The following NAV1 variants were observed in gnomAD, a reference collection of about 807,000 sequenced individuals.
The protein encoded by NAV1 is pore membrane and/or filament interacting like protein 3.
In NAV1, 18 loss-of-function variants were observed where a neutral mutation model predicts 175.2. The observed-to-expected ratio is 0.10, with a 90% CI of 0.07 to 0.15. The LOEUF is 0.15. Among genes scored for constraint, NAV1 ranks in the 10% least tolerant of loss-of-function variants. NAV1 has a pLI of 1.00. For synonymous variants in NAV1, 897 were observed against 978.7 expected, an observed-to-expected ratio of 0.92 and a Z score of 1.56; for missense variants, 1,731 against 2,436.6, an observed-to-expected ratio of 0.71 and a Z score of 6.10.
intron 1 of NAV1, among the ~76,000 whole-genome samples, chr1:201,545,020 T>A (rs931093907): frequency 4.6e-5 from 7 of 152,194 alleles, no homozygotes; most frequent in African/African-American, 1.7e-4. Context: ...TGAAATTATA[T>A]CCTCCACATG....
chr1:201,547,178 G>A (rs1402254478), intron 1 of NAV1, among the ~76,000 whole-genome samples: 2 of 151,752 alleles, frequency 1.3e-5, no homozygotes, highest in Non-Finnish European at 2.9e-5. Context: ...TAGTAGAGAC[G>A]GGGTTTCTCC....
chr1:201,628,849 A>T (rs1352044688), intron 1 of NAV1, among the ~76,000 whole-genome samples: 2 of 151,984 alleles, frequency 1.3e-5, no homozygotes, highest in African/African-American at 2.4e-5. Flanking sequence ...CCAGCAAGAG[A>T]CCTGTCCTCC....
chr1:201,569,491 G>A (rs747132806), intron 1 of NAV1, among the ~76,000 whole-genome samples: 6 of 152,218 alleles, frequency 3.9e-5, no homozygotes, highest in Non-Finnish European at 5.9e-5. Flanking sequence ...GGACCCTGAG[G>A]CTGATCCTTG....
intron 3 of NAV1, among the ~76,000 whole-genome samples, chr1:201,775,507 T>A (rs1329870808): frequency 1.3e-5 from 2 of 152,162 alleles, no homozygotes; most frequent in South Asian, 4.1e-4. Context: ...CAATAACTTA[T>A]AATGAGTGTC....
chr1:201,789,629 C>T (rs1676979200), intron 10 of NAV1, 111 bp from the exon 15 acceptor site: 4 of 989,898 alleles, frequency 4.0e-6, no homozygotes, highest in Admixed American at 1.8e-5. Context: ...TTTCTGTTTG[C>T]TCCAGATGCC....
At position 201,718,650 on chromosome 1, in the gene NAV1, T is replaced by G. The variant is rs1672238757; in HGVS notation, c.1121T>G (p.Leu374Arg). 1 of 1,614,052 alleles carries G rather than the reference T, an allele frequency of 6.2e-7. No homozygotes were observed. The highest frequency in any genetic ancestry group is 8.5e-7 in the Non-Finnish European group (1 of 1,180,036). Reference sequence around the variant, plus strand: ...CTCAGCCATATCTCCCGCCTGGAGCTGGTCGAATCCCTGGACTCGGATGAG... The same window carrying G: ...CTCAGCCATATCTCCCGCCTGGAGCGGGTCGAATCCCTGGACTCGGATGAG... The change falls in exon 3 of 30, where the codon CTG (leucine) becomes CGG (arginine). Residue 374 changes from leucine (L) to arginine (R), a missense_variant. This residue lies in a region of NAV1 where 487 missense variants were observed against 581.3 expected (regional missense o/e 0.84). Coordinates refer to ENST00000367296, the Ensembl canonical transcript of NAV1. This position sits in a 1 kb window ranked among gnomAD's most constrained non-coding sequence, Gnocchi z 4.8.
At chr1:201,601,270 C>T (rs1215198858) in intron 2 of NAV1, among the ~76,000 whole-genome samples, 1 of 152,156 alleles carries the variant, frequency 6.6e-6, no homozygotes, top group Non-Finnish European at 1.5e-5. Flanking sequence ...TCACTTGAGT[C>T]CAGGAGTTCA....
chr1:201,636,544 G>A (rs1229319077), intron 2 of NAV1, among the ~76,000 whole-genome samples: 1 of 152,216 alleles, frequency 6.6e-6, no homozygotes, highest in African/African-American at 2.4e-5. Context: ...AGGCTTCAGA[G>A]GGAGCTGAAG....
upstream of NAV1, among the ~76,000 whole-genome samples, chr1:201,644,779 A>G (rs1668919498): frequency 6.6e-6 from 1 of 152,214 alleles, no homozygotes; most frequent in Admixed American, 6.5e-5. Flanking sequence ...GGAGCCATTT[A>G]TTGAAGGAAG....
At chr1:201,806,990 C>T (rs965760047) in intron 17 of NAV1, among the ~76,000 whole-genome samples, 1 of 152,118 alleles carries the variant, frequency 6.6e-6, no homozygotes, top group African/African-American at 2.4e-5. Flanking sequence ...CCTTTGACCC[C>T]TCCTTTACTC....
intron 1 of NAV1, among the ~76,000 whole-genome samples, chr1:201,573,417 A>G (rs7541636): frequency 0.19 from 28,517 of 152,126 alleles, 2,997 homozygotes; most frequent in African/African-American, 0.29. Context: ...ATAAAAACAA[A>G]TCTTTTTGAA....
Position 201,712,813 on chromosome 1 carries a change from C to G in NAV1, c.758-4C>G. 1 of 1,607,198 alleles carries G rather than the reference C, an allele frequency of 6.2e-7. No homozygotes were observed. The highest frequency in any genetic ancestry group is 8.5e-7 in the Non-Finnish European group (1 of 1,173,782). ...CACCCAGCTCTTCCTTCTCTCCCTA[C>G]CAGACCCAGAGTCCCAGAGAAAGAG... is the stretch of plus-strand genomic sequence containing the variant. On this transcript the variant is annotated splice_polypyrimidine_tract_variant and splice_region_variant and intron_variant, in intron 1 of 29. Transcript: ENST00000367296.
chr1:201,779,897 C>A (rs534761470), intron 3 of NAV1, among the ~76,000 whole-genome samples: 1 of 152,030 alleles, frequency 6.6e-6, no homozygotes, highest in Non-Finnish European at 1.5e-5. Flanking sequence ...AAGCAGGACC[C>A]GATCCCAGGA....
At position 201,629,489 on chromosome 1, in the gene NAV1, G is replaced by A. The variant is rs545227371; in HGVS notation, c.-15G>A. On this transcript the variant is annotated 5_prime_UTR_variant, in exon 2 of 30. Transcript: ENST00000367302. ...TGCTGAGCCCCTCCATGAGACTGAG[G>A]AGAGCTTCTCCTGCATGGGTAAGTG... 51 of 1,304,114 alleles carry A rather than the reference G, an allele frequency of 3.9e-5. No individual in the cohort carries two copies. The African/African-American group carries it at 7.1e-4, about 18-fold the overall frequency. The allele number at this position is 1,304,114 out of a possible 1,614,324, so 80.8% of individuals were successfully genotyped here. A position where few individuals can be genotyped will look rare whatever the true frequency, so the allele number is the denominator to read the frequency against.
intron 2 of NAV1, among the ~76,000 whole-genome samples, chr1:201,605,129 C>G (rs919571256): frequency 2.9e-5 from 4 of 139,850 alleles, no homozygotes; most frequent in Non-Finnish European, 4.7e-5. Flanking sequence ...CTGGCTTCTG[C>G]TTTTTTTTTT....
intron 28 of NAV1, among the ~76,000 whole-genome samples, chr1:201,814,222 C>T (rs1467240012): frequency 2.6e-5 from 4 of 151,668 alleles, no homozygotes; most frequent in Admixed American, 6.6e-5. Flanking sequence ...TAAAAAAAAT[C>T]AGCCAGGCAT....
intron 1 of NAV1, among the ~76,000 whole-genome samples, chr1:201,650,768 A>G (rs1669171631): frequency 6.6e-6 from 1 of 152,200 alleles, no homozygotes; most frequent in Non-Finnish European, 1.5e-5. Context: ...CTTACGCAGG[A>G]GGCCGCAAAT....
chr1:201,820,011 T>C, exon 30 of NAV1: 1 of 1,335,238 alleles, frequency 7.5e-7, no homozygotes, highest in East Asian at 2.3e-5. Flanking sequence ...CCCTCTCCTC[T>C]TTCAGAGCAC....
At chr1:201,556,674 C>T (rs1666025518) in intron 1 of NAV1, among the ~76,000 whole-genome samples, 2 of 152,152 alleles carry the variant, frequency 1.3e-5, no homozygotes, top group Non-Finnish European at 2.9e-5. Flanking sequence ...CTGTCCTAGC[C>T]CCAACCTTAG....
Sources: gnomAD v4.1 joint callset for allele counts (sites outside exome capture counted in the v4.1 genomes callset) on GRCh38, gnomAD v4.1.1 for gene constraint, gnomAD v4.1.1 regional missense constraint, Gnocchi (gnomAD v3.1) non-coding constraint, MANE v1.5 for transcripts, NCBI Gene and HGNC (gene_info 2026-07-23, HGNC 2026-07-21) for gene names.